GTF3C1: variants seen among roughly 807,000 people sequenced by gnomAD.
The protein encoded by GTF3C1 is general transcription factor IIIC subunit 1.
In GTF3C1, 57 loss-of-function variants were observed where a neutral mutation model predicts 226.7. The ratio of observed to expected loss-of-function variants is 0.25; its 90% CI spans 0.20 to 0.31. The LOEUF is 0.31. GTF3C1 is among the 10% of genes least tolerant of loss of function. GTF3C1 has a pLI of 1.00. For missense variants in GTF3C1, 2,217 were observed against 2,776.1 expected (o/e 0.80, Z 4.53); for synonymous variants, 1,090 against 1,084.8 (o/e 1.00, Z -0.09).
In GTF3C1 at chr16:27,512,230, C is replaced by T. The variant is rs112092789; in HGVS notation, c.974-329G>A. ...ACCAGCTCCATGACAACAGGAGACG[C>T]GCCTGTCTCTTCCTGTTCCCTTCCC... On this transcript the variant is annotated intron_variant, in intron 6 of 36. Coordinates refer to ENST00000356183, the MANE Select transcript of GTF3C1 (RefSeq NM_001520.4). 7.0e-3 allele frequency among the ~76,000 whole-genome samples: 1,070 copies of T among 152,288 alleles called. 16 individuals carry two copies. The highest frequency in any genetic ancestry group is 0.024 in the African/African-American group (1,011 of 41,552).
chr16:27,488,872 C>A (rs916637179), intron 21 of GTF3C1, among the ~76,000 whole-genome samples, 171 bp downstream of exon 21: 2 of 152,194 alleles, frequency 1.3e-5, no homozygotes, highest in Non-Finnish European at 2.9e-5. Context: ...CACGTCACAG[C>A]GTAAGTTAGC....
rs545241685 is a variant in GTF3C1, at chr16:27,471,334, C to T, written c.4526+414G>A. Among the ~76,000 whole-genome samples, 11 of 152,324 alleles carry T rather than the reference C, an allele frequency of 7.2e-5. No homozygotes were observed. The South Asian group carries it at 1.2e-3, about 17-fold the overall frequency. On this transcript the variant is annotated intron_variant, in intron 30 of 36. Transcript: ENST00000356183. This position sits in a 1 kb window ranked among gnomAD's most constrained non-coding sequence, Gnocchi z 5.0. The stretch of plus-strand genomic sequence containing the variant: ...GAGGATGCCTGTCTGAATGCACCTC[C>T]GCACCCCAATCCTGCACTGGCTGTT...
chr16:27,467,939 G>A (rs1372170190), intron 32 of GTF3C1, among the ~76,000 whole-genome samples: 2 of 152,030 alleles, frequency 1.3e-5, no homozygotes, highest in Non-Finnish European at 2.9e-5. Flanking sequence ...TGATGGATCT[G>A]GACAAAGGAA....
rs1490590488 is a variant in GTF3C1, at chr16:27,469,599, C to T, written c.4815-49G>A. 1.9e-6 allele frequency: 3 copies of T among 1,568,434 alleles called. No homozygotes were observed. In the South Asian group the frequency reaches 3.5e-5, roughly 19 times the overall value. On this transcript the variant is annotated intron_variant, in intron 31 of 36. Coordinates refer to ENST00000356183, the MANE Select transcript of GTF3C1 (RefSeq NM_001520.4). The surrounding 1 kb of genome is among the most constrained non-coding windows in gnomAD (Gnocchi z 4.5). ...TACCTGAGCATAGGCCAGCCAGTTG[C>T]TACTGCAGCCTCTCCCCTCCCTCAA...
chr16:27,508,594 T>C lies in GTF3C1; in HGVS notation c.1188A>G (p.Gly396=). Residue 396 remains glycine (G), a synonymous_variant, in exon 8 of 37, where the codon GGA becomes GGG. Coordinates refer to ENST00000356183, the MANE Select transcript of GTF3C1 (RefSeq NM_001520.4). ...GGCACAGCATTCTTGCTTCTAGTTT[T>C]CCCACATTCATAGCCACTCGGATTT... is the stretch of plus-strand genomic sequence containing the variant. ...QAEIRVAMNV[G]KLEARMLCRL... 1 of 1,614,230 alleles carries C rather than the reference T, an allele frequency of 6.2e-7. No individual in the cohort carries two copies. The highest frequency in any genetic ancestry group is 8.5e-7 in the Non-Finnish European group (1 of 1,180,030).
chr16:27,502,963 G>A lies in GTF3C1; in HGVS notation c.1803C>T (p.His601=), dbSNP rs560995658. ...ESSSSLKTGR[H]SSGQDKPHET... The stretch of plus-strand genomic sequence containing the variant: ...CGTGTGGTTTGTCTTGGCCTGAGCT[G>A]TGCCTCCCAGTCTTCAGGGAACTGC... The change falls in exon 11 of 37, where the codon CAC becomes CAT. Residue 601 remains histidine (H), a synonymous_variant. Coordinates refer to ENST00000356183, the MANE Select transcript of GTF3C1 (RefSeq NM_001520.4). 5.3e-5 allele frequency: 86 copies of A among 1,612,462 alleles called. No individual in the cohort carries two copies. In the South Asian group the frequency reaches 9.2e-4, roughly 17 times the overall value.
chr16:27,499,432 C>A (rs1430191486), intron 12 of GTF3C1, among the ~76,000 whole-genome samples: 5 of 152,096 alleles, frequency 3.3e-5, no homozygotes, highest in Non-Finnish European at 5.9e-5. Flanking sequence ...GACGGCCAGG[C>A]CCCCAGGGAG....
At position 27,507,263 on chromosome 16, in the gene GTF3C1, C is replaced by A; in HGVS notation, c.1243-107G>T. 1 of 853,112 alleles carries A rather than the reference C, an allele frequency of 1.2e-6. No homozygotes were observed. The highest frequency in any genetic ancestry group is 2.5e-5 in the East Asian group (1 of 40,124). 52.8% of individuals were successfully genotyped at this position (853,112 alleles called of 1,614,324 possible). On this transcript the variant is annotated intron_variant, in intron 8 of 36. Transcript: ENST00000356183. This position sits in a 1 kb window ranked among gnomAD's most constrained non-coding sequence, Gnocchi z 4.9. Reference sequence around the variant, plus strand: ...TCCTTATTGGCTTTCTTCTGTTTCTCCTGTCTTACTGCCTGGGCCCTGGGT... The same window carrying A: ...TCCTTATTGGCTTTCTTCTGTTTCTACTGTCTTACTGCCTGGGCCCTGGGT...
chr16:27,549,610 C>T, intron 1 of GTF3C1, 60 bp downstream of exon 1: 1 of 819,994 alleles, frequency 1.2e-6, no homozygotes, highest in Non-Finnish European at 2.0e-6. Context: ...GCCCCCAGCT[C>T]CATCAGCCCC....
At chr16:27,503,806 A>AT (rs1238814226) in intron 10 of GTF3C1, among the ~76,000 whole-genome samples, 1 of 152,196 alleles carries the variant, frequency 6.6e-6, no homozygotes, top group African/African-American at 2.4e-5. Context: ...TCAATGCCTT[A>AT]TGGTAGCCCC....
chr16:27,461,531 C>A lies in GTF3C1; in HGVS notation c.6149G>T (p.Arg2050Leu). 5 of 1,613,800 alleles carry A rather than the reference C, an allele frequency of 3.1e-6. No homozygotes were observed. Among genetic ancestry groups the A allele is most frequent in the Non-Finnish European group, 4.2e-6 (5 of 1,179,916 alleles). ...GLESLGCIRK[R>L]WLRKPRPVSL... The stretch of plus-strand genomic sequence containing the variant: ...GACAGGCCTTGGCTTTCTCAGCCAG[C>A]GCTTCCGGATGCAGCCGAGGGACTC... The change falls in exon 37 of 37, where the codon CGC (arginine) becomes CTC (leucine). Residue 2050 changes from arginine (R) to leucine (L), a missense_variant. Arg to Leu is a moderately radical substitution (Grantham distance 102). Transcript: ENST00000356183. The surrounding 1 kb of genome is among the most constrained non-coding windows in gnomAD (Gnocchi z 5.3).
chr16:27,535,188 G>T (rs533790259), intron 4 of GTF3C1, among the ~76,000 whole-genome samples: 25 of 152,328 alleles, frequency 1.6e-4, no homozygotes, highest in African/African-American at 5.8e-4. Flanking sequence ...AAAATTAACT[G>T]TAATACACAG....
At chr16:27,503,547 A>G (rs1444297102) in intron 10 of GTF3C1, among the ~76,000 whole-genome samples, 1 of 152,208 alleles carries the variant, frequency 6.6e-6, no homozygotes, top group African/African-American at 2.4e-5. Flanking sequence ...AAAAAGTGAC[A>G]TGAGGTAGAG....
rs781266092 is a variant in GTF3C1, at chr16:27,484,327, C to A, written c.3885G>T (p.Gln1295His). 1 of 1,610,440 alleles carries A rather than the reference C, an allele frequency of 6.2e-7. No homozygotes were observed. Among genetic ancestry groups the A allele is most frequent in the Non-Finnish European group, 8.5e-7 (1 of 1,176,654 alleles). The change falls in exon 25 of 37, where the codon CAG becomes CAT. Residue 1295 changes from glutamine to histidine, a missense_variant. By Grantham distance (24) the Gln-to-His change is conservative. Around this residue, in one of 12 missense-constraint regions of GTF3C1, gnomAD observed 546 missense variants for 663.0 expected, o/e 0.82. Transcript: ENST00000356183. The part of the protein sequence containing the change: ...TKVKGPFVTW[Q>H]VVRDILHATF... The stretch of plus-strand genomic sequence containing the variant: ...TGGCATGCAAAATGTCCCGTACCAC[C>A]TGCCAGGTGACAAATGGGCCCTTCA...
At chr16:27,529,215 G>A (rs886297510) in intron 5 of GTF3C1, among the ~76,000 whole-genome samples, 5 of 152,076 alleles carry the variant, frequency 3.3e-5, no homozygotes, top group African/African-American at 1.2e-4. Context: ...AGGCCGAGGC[G>A]GGCAGGTCAC....
chr16:27,549,622 G>C (rs1220858440), intron 1 of GTF3C1, 48 bp downstream of exon 1: 3 of 836,742 alleles, frequency 3.6e-6, no homozygotes, highest in Non-Finnish European at 5.8e-6. Context: ...ATCAGCCCCC[G>C]GGCCCTGCGC....
chr16:27,463,782 C>T lies in GTF3C1; in HGVS notation c.5873-190G>A, dbSNP rs998576856. 2.9e-5 allele frequency: 18 copies of T among 620,570 alleles called. No homozygotes were observed. Among genetic ancestry groups the T allele is most frequent in the South Asian group, 9.2e-5 (5 of 54,120 alleles). 38.4% of individuals were successfully genotyped at this position (620,570 alleles called of 1,614,324 possible). Reference sequence around the variant, plus strand: ...GAGGTGGCAGGGCCGGGCAGACTGCCGCACACAGCGCCACATGCAAGCAGC... The same window carrying T: ...GAGGTGGCAGGGCCGGGCAGACTGCTGCACACAGCGCCACATGCAAGCAGC... On this transcript the variant is annotated intron_variant, in intron 34 of 36. Coordinates refer to ENST00000356183, the MANE Select transcript of GTF3C1 (RefSeq NM_001520.4). This position sits in a 1 kb window ranked among gnomAD's most constrained non-coding sequence, Gnocchi z 4.9.
At position 27,511,618 on chromosome 16, in the gene GTF3C1, C is replaced by A. The variant is rs931014249; in HGVS notation, c.1126+131G>T. 2.1e-5 allele frequency: 20 copies of A among 934,298 alleles called. No homozygotes were observed. The African/African-American group carries it at 3.1e-4, about 15-fold the overall frequency. The allele number at this position is 934,298 out of a possible 1,614,324, so 57.9% of individuals were successfully genotyped here. ...ATCTGACCTTGAAGCCTAAACCCTT[C>A]TGGGGAACCAAGGCACTTCCCATTG... On this transcript the variant is annotated intron_variant, in intron 7 of 36. Coordinates refer to ENST00000356183, the MANE Select transcript of GTF3C1 (RefSeq NM_001520.4).
At chr16:27,491,451 A>G (rs2088232024) in intron 19 of GTF3C1, among the ~76,000 whole-genome samples, 1 of 152,188 alleles carries the variant, frequency 6.6e-6, no homozygotes, top group Non-Finnish European at 1.5e-5. Flanking sequence ...TTTGCGACAC[A>G]TCATGGGGAT....
Sources: allele counts gnomAD v4.1 joint callset (sites outside exome capture counted in the v4.1 genomes callset), GRCh38; gene constraint gnomAD v4.1.1; regional missense constraint gnomAD v4.1.1; non-coding constraint Gnocchi (gnomAD v3.1); transcripts MANE v1.5; gene names NCBI Gene and HGNC (gene_info 2026-07-23, HGNC 2026-07-21).